The following RTN4 variants were observed in gnomAD, a reference collection of about 807,000 sequenced individuals.
The protein encoded by RTN4 is reticulon 4.
Under a neutral mutation model 90.4 loss-of-function variants are expected in RTN4, and 32 were observed. The ratio of observed to expected loss-of-function variants is 0.35; its 90% CI spans 0.27 to 0.48. RTN4 has a LOEUF of 0.48. RTN4 is among the 20% of genes least tolerant of loss of function. RTN4 has a pLI of 0.99. For synonymous variants in RTN4, 629 were observed against 552.5 expected, an observed-to-expected ratio of 1.14 and a Z score of -1.94; for missense variants, 1,706 against 1,430.2, an observed-to-expected ratio of 1.19 and a Z score of -3.11.
At chr2:55,025,001 AT>A in intron 3 of RTN4, 84 bp downstream of exon 3, 1 of 1,461,416 alleles carries the variant, frequency 6.8e-7, no homozygotes. Flanking sequence ...CACTATAAAC[AT>A]AATATAAAAC....
chr2:55,108,245 C>G (rs1474012958), intron 1 of RTN4, among the ~76,000 whole-genome samples: 2 of 152,032 alleles, frequency 1.3e-5, no homozygotes, highest in Non-Finnish European at 2.9e-5. Flanking sequence ...GTGAGCCAAC[C>G]CACCCAGCCC....
chr2:54,985,717 A>G (rs1025157943), intron 4 of RTN4, among the ~76,000 whole-genome samples: 2 of 152,226 alleles, frequency 1.3e-5, no homozygotes, highest in African/African-American at 4.8e-5. Flanking sequence ...TACAATAAAC[A>G]AAATAATTCA....
intron 3 of RTN4, among the ~76,000 whole-genome samples, chr2:54,996,517 C>A (rs530279032): frequency 3.3e-5 from 5 of 152,278 alleles, no homozygotes; most frequent in African/African-American, 1.2e-4. Flanking sequence ...CAACTGATAA[C>A]CCAGAAATAA....
intron 5 of RTN4, among the ~76,000 whole-genome samples, chr2:54,978,469 G>C (rs1410844315): frequency 7.0e-6 from 1 of 142,110 alleles, no homozygotes; most frequent in Non-Finnish European, 1.5e-5. Context: ...AGTGATAATT[G>C]TGACCCAGAA....
intron 1 of RTN4, among the ~76,000 whole-genome samples, chr2:55,034,813 C>G (rs1682564882): frequency 6.6e-6 from 1 of 152,034 alleles, no homozygotes; most frequent in African/African-American, 2.4e-5. Context: ...AATACAATAA[C>G]TATAATACAT....
intron 3 of RTN4, among the ~76,000 whole-genome samples, chr2:55,006,896 T>C (rs1234346714): frequency 6.6e-6 from 1 of 152,184 alleles, no homozygotes; most frequent in African/African-American, 2.4e-5. Flanking sequence ...ACGCAGGTTT[T>C]AGGCTTTTCT....
In RTN4 at chr2:55,009,988, C is replaced by A; in HGVS notation, c.3013+15098G>T. The A allele has an allele frequency of 2.9e-6, 4 of 1,376,528 alleles. No individual in the cohort carries two copies. The South Asian group carries it at 4.9e-5, about 17-fold the overall frequency. The allele number at this position is 1,376,528 out of a possible 1,614,324, so 85.3% of individuals were successfully genotyped here. The stretch of plus-strand genomic sequence containing the variant: ...TTAGACTTCAACTCTTCAGAGGTTT[C>A]ACTTTCAATCCAAAATATCTAAATT... On this transcript the variant is annotated intron_variant, in intron 3 of 8. Coordinates refer to ENST00000337526, the MANE Select transcript of RTN4 (RefSeq NM_020532.5).
At chr2:55,111,243 A>C (rs1668033649) in intron 1 of RTN4, among the ~76,000 whole-genome samples, 1 of 152,202 alleles carries the variant, frequency 6.6e-6, no homozygotes, top group Non-Finnish European at 1.5e-5. Flanking sequence ...GCATGAAAAA[A>C]AAAAATTCAC....
intron 3 of RTN4, among the ~76,000 whole-genome samples, chr2:54,994,862 T>C (rs1279078163): frequency 1.3e-5 from 2 of 152,254 alleles, no homozygotes; most frequent in African/African-American, 2.4e-5. Context: ...TGAAATGACA[T>C]GTAACAGAAC....
chr2:55,017,642 T>G, intron 3 of RTN4, among the ~76,000 whole-genome samples: 1 of 152,190 alleles, frequency 6.6e-6, no homozygotes, highest in East Asian at 1.9e-4. Flanking sequence ...AGTCAAGATC[T>G]CAGCAGTTTG....
the RTN4 span, among the ~76,000 whole-genome samples, chr2:55,124,252 G>A: frequency 1.3e-5 from 2 of 152,194 alleles, no homozygotes; most frequent in African/African-American, 4.8e-5. Context: ...AGGGTGTATT[G>A]AGGCCCCAAC....
upstream of RTN4, among the ~76,000 whole-genome samples, chr2:55,051,034 T>C (rs1668077179): frequency 6.6e-6 from 1 of 152,190 alleles, no homozygotes; most frequent in South Asian, 2.1e-4. Context: ...AAATAAAAGA[T>C]TATTTGTTCA....
At chr2:55,005,183 A>G (rs1291839164) in intron 3 of RTN4, among the ~76,000 whole-genome samples, 2 of 152,204 alleles carry the variant, frequency 1.3e-5, no homozygotes, top group Non-Finnish European at 2.9e-5. Flanking sequence ...AAAAGTAAGT[A>G]AAGGAAAATC....
chr2:54,997,475 T>G (rs1307047076), intron 3 of RTN4, among the ~76,000 whole-genome samples: 1 of 152,178 alleles, frequency 6.6e-6, no homozygotes, highest in Non-Finnish European at 1.5e-5. Context: ...TACAGAGTTA[T>G]CTTATTACCT....
intron 1 of RTN4, among the ~76,000 whole-genome samples, chr2:55,105,802 C>T (rs1029145369): frequency 2.6e-5 from 4 of 151,876 alleles, no homozygotes; most frequent in South Asian, 2.1e-4. Flanking sequence ...AGAGACACCC[C>T]GCCCCAGACT....
intron 1 of RTN4, among the ~76,000 whole-genome samples, chr2:55,104,945 C>T (rs1300616246): frequency 2.0e-5 from 3 of 151,518 alleles, no homozygotes; most frequent in Non-Finnish European, 4.4e-5. Context: ...TAGCTGAGAC[C>T]ACAGGAGCAT....
At position 55,027,086 on chromosome 2, in the gene RTN4, T is replaced by G. The variant is rs754881271; in HGVS notation, c.1013A>C (p.Asn338Thr). ...TAACTCTTGTTGATTATGAAGGATG[T>G]TATTACTAACTAACTTCTCTTCTTC... is the stretch of plus-strand genomic sequence containing the variant. Reference protein sequence around the residue: ...KDEEEKLVSNNILHNQQELPT... With the variant: ...KDEEEKLVSNTILHNQQELPT... Residue 338 changes from asparagine to threonine, a missense_variant, in exon 3 of 9, where the codon AAC becomes ACC. Physicochemically the swap from Asn to Thr is moderately conservative, Grantham distance 65. Coordinates refer to ENST00000337526, the MANE Select transcript of RTN4 (RefSeq NM_020532.5). 4.7e-5 allele frequency: 76 copies of G among 1,613,182 alleles called. No homozygotes were observed. In the East Asian group the frequency reaches 1.6e-3, roughly 34 times the overall value.
intron 3 of RTN4, among the ~76,000 whole-genome samples, chr2:55,006,696 G>C (rs1680251656): frequency 6.6e-6 from 1 of 152,108 alleles, no homozygotes; most frequent in Non-Finnish European, 1.5e-5. Flanking sequence ...ATAAAGAACA[G>C]TGTTGCACCT....
chr2:55,118,759 T>A, the RTN4 span, among the ~76,000 whole-genome samples: 1 of 152,206 alleles, frequency 6.6e-6, no homozygotes, highest in Admixed American at 6.5e-5. Context: ...CATGGAACCC[T>A]GAAAAGAGAC....
Sources: allele counts gnomAD v4.1 joint callset (sites outside exome capture counted in the v4.1 genomes callset), GRCh38; gene constraint gnomAD v4.1.1; transcripts MANE v1.5; gene names NCBI Gene and HGNC (gene_info 2026-07-23, HGNC 2026-07-21).